CFAP299: variants seen among roughly 807,000 people sequenced by gnomAD.
CFAP299 encodes the protein cilia and flagella associated protein 299, also known as cilia- and flagella-associated protein 299.
A neutral mutation model predicts 27.0 loss-of-function variants in CFAP299; 21 were observed. The observed-to-expected ratio is 0.78, with a 90% confidence interval of 0.55 to 1.12. The LOEUF is 1.12. Among genes scored for constraint, CFAP299 ranks in the 50% most tolerant of loss-of-function variants. The probability of loss-of-function intolerance (pLI) is 0.00; values close to 1 mark genes in which losing one functional copy is unlikely to be tolerated. For missense variants in CFAP299, 310 were observed against 276.6 expected, an observed-to-expected ratio of 1.12 and a Z score of -0.86; for synonymous variants, 104 against 98.1, an observed-to-expected ratio of 1.06 and a Z score of -0.36.
chr4:80,488,365 C>T (rs572487036), intron 2 of CFAP299, among the ~76,000 whole-genome samples: 1 of 152,226 alleles, frequency 6.6e-6, no homozygotes, highest in African/African-American at 2.4e-5. Flanking sequence ...AAATTTTAGG[C>T]ATCATCAACT....
Position 80,617,853 on chromosome 4 carries a change from C to T in CFAP299, c.333+34670C>T, listed in dbSNP as rs565396257. 2.6e-5 allele frequency among the ~76,000 whole-genome samples: 4 copies of T among 152,012 alleles called. No individual in the cohort carries two copies. In the South Asian group the frequency reaches 8.3e-4, roughly 32 times the overall value. On this transcript the variant is annotated intron_variant, in intron 3 of 5. Transcript: ENST00000358105. ...GTCAAAACATTAACAGAGGAAGGAG[C>T]CATTTGAAATTGTCTCACTGCATTT...
chr4:80,918,458 C>T (rs1237405490), intron 4 of CFAP299, among the ~76,000 whole-genome samples: 1 of 151,868 alleles, frequency 6.6e-6, no homozygotes, highest in Non-Finnish European at 1.5e-5. Context: ...GCTACAGAAA[C>T]GTTTATTGTG....
intron 3 of CFAP299, among the ~76,000 whole-genome samples, chr4:80,857,749 A>T (rs1040740444): frequency 1.3e-5 from 2 of 152,224 alleles, no homozygotes; most frequent in Non-Finnish European, 2.9e-5. Flanking sequence ...CACCCCAGGG[A>T]TGAAGCCCAC....
rs1560642976 is a variant in CFAP299, at chr4:80,591,116, T to TTA, written c.333+7934_333+7935insAT. Among the ~76,000 whole-genome samples, 5 of 143,020 alleles carry TTA rather than the reference T, an allele frequency of 3.5e-5. No homozygotes were observed. The East Asian group carries it at 8.1e-4, about 23-fold the overall frequency. The allele number at this position is 143,020 out of a possible 152,430, so 93.8% of individuals were successfully genotyped here. A position where few individuals can be genotyped will look rare whatever the true frequency, so the allele number is the denominator to read the frequency against. On this transcript the variant is annotated intron_variant, in intron 3 of 5. Transcript: ENST00000358105. Reference sequence around the variant, plus strand: ...TAATACTTTAGGAAATTTTTTTTTTTTTTTTTTTTTTTTTTATTTTTTTTT... The same window carrying TTA: ...TAATACTTTAGGAAATTTTTTTTTTTTATTTTTTTTTTTTTTTATTTTTTTTT...
At chr4:80,906,420 G>A (rs1735189931) in intron 4 of CFAP299, among the ~76,000 whole-genome samples, 1 of 152,190 alleles carries the variant, frequency 6.6e-6, no homozygotes, top group Admixed American at 6.5e-5. Flanking sequence ...CTACGATTCT[G>A]GGGCCTGGAG....
chr4:80,688,674 C>CT (rs1720414306), intron 3 of CFAP299, among the ~76,000 whole-genome samples: 1 of 152,148 alleles, frequency 6.6e-6, no homozygotes, highest in Admixed American at 6.5e-5. Flanking sequence ...TCACCAGCAA[C>CT]GGAACAAAGC....
At chr4:80,369,007 C>T (rs994110694) in intron 2 of CFAP299, among the ~76,000 whole-genome samples, 1 of 152,116 alleles carries the variant, frequency 6.6e-6, no homozygotes, top group African/African-American at 2.4e-5. Context: ...GGGTCAGAGC[C>T]CTAACCTCAA....
At chr4:80,701,290 G>C (rs962158156) in intron 3 of CFAP299, among the ~76,000 whole-genome samples, 26 of 152,068 alleles carry the variant, frequency 1.7e-4, no homozygotes, top group Non-Finnish European at 3.1e-4. Context: ...ATTTCTCATA[G>C]CTCTTCCCTT....
chr4:80,661,091 T>G (rs1190879235), intron 3 of CFAP299, among the ~76,000 whole-genome samples: 2 of 152,058 alleles, frequency 1.3e-5, no homozygotes, highest in African/African-American at 2.4e-5. Context: ...TTTGAGAGAC[T>G]GAGGCAGGTG....
intron 2 of CFAP299, among the ~76,000 whole-genome samples, chr4:80,405,643 A>G (rs1309429362): frequency 1.3e-5 from 2 of 151,986 alleles, no homozygotes; most frequent in East Asian, 3.9e-4. Context: ...TTATATTAGT[A>G]TATATACTAA....
In CFAP299 at chr4:80,908,904, G is replaced by GCA. The variant is rs150862436; in HGVS notation, c.477-35891_477-35890dup. Reference sequence around the variant, plus strand: ...GTTAAACACACACACATACACGCAAGCACACACACACACACATACACACAC... The same window carrying GCA: ...GTTAAACACACACACATACACGCAAGCACACACACACACACACATACACACAC... On this transcript the variant is annotated intron_variant, in intron 4 of 5. Coordinates refer to ENST00000358105, the MANE Select transcript of CFAP299 (RefSeq NM_152770.3). 6.4e-3 allele frequency among the ~76,000 whole-genome samples: 968 copies of GCA among 150,180 alleles called. 5 individuals carry two copies. The highest frequency in any genetic ancestry group is 0.014 in the Middle Eastern group (4 of 294).
chr4:80,782,720 G>T (rs185352757), intron 3 of CFAP299, among the ~76,000 whole-genome samples: 16 of 129,610 alleles, frequency 1.2e-4, no homozygotes, highest in Non-Finnish European at 8.2e-5. Context: ...ATACATATAT[G>T]AATATATAAT....
At chr4:80,507,836 T>G (rs1393838943) in intron 2 of CFAP299, among the ~76,000 whole-genome samples, 1 of 152,326 alleles carries the variant, frequency 6.6e-6, no homozygotes, top group African/African-American at 2.4e-5. Context: ...TGGGGATTTA[T>G]GTTGTTTCTT....
chr4:80,923,739 A>G (rs974832635), intron 4 of CFAP299, among the ~76,000 whole-genome samples: 1 of 152,034 alleles, frequency 6.6e-6, no homozygotes, highest in Non-Finnish European at 1.5e-5. Context: ...TGGTTGAAGT[A>G]TCAGGACTCC....
rs180810711 is a variant in CFAP299, at chr4:80,813,031, G to A, written c.334-56962G>A. Among the ~76,000 whole-genome samples, 389 of 152,068 alleles carry A rather than the reference G, an allele frequency of 2.6e-3. 1 individual carries two copies. The highest frequency in any genetic ancestry group is 8.8e-3 in the African/African-American group (366 of 41,532). ...AATGTTAAGTCAGAAGAGAAAAAGC[G>A]CATTGCTTTAAAACTTGAAAATATT... On this transcript the variant is annotated intron_variant, in intron 3 of 5. Coordinates refer to ENST00000358105, the MANE Select transcript of CFAP299 (RefSeq NM_152770.3).
chr4:80,800,892 C>T (rs1728550748), intron 3 of CFAP299, among the ~76,000 whole-genome samples: 1 of 149,476 alleles, frequency 6.7e-6, no homozygotes, highest in South Asian at 2.1e-4. Flanking sequence ...CAGTCTGAGT[C>T]CCAAAACTGA....
At chr4:80,391,827 C>A (rs1196179019) in intron 2 of CFAP299, among the ~76,000 whole-genome samples, 1 of 152,110 alleles carries the variant, frequency 6.6e-6, no homozygotes, top group Non-Finnish European at 1.5e-5. Context: ...ATTAGCCAGG[C>A]ATGGTGGGAC....
intron 3 of CFAP299, among the ~76,000 whole-genome samples, chr4:80,627,216 C>T (rs890545069): frequency 7.2e-5 from 11 of 151,806 alleles, no homozygotes; most frequent in Non-Finnish European, 1.5e-4. Context: ...AAATGTAATA[C>T]ATTACATGAA....
intron 3 of CFAP299, among the ~76,000 whole-genome samples, chr4:80,860,435 G>C (rs1435918178): frequency 2.0e-5 from 3 of 152,148 alleles, no homozygotes; most frequent in Non-Finnish European, 2.9e-5. Flanking sequence ...GTCCAGCTTT[G>C]TTCCATTGCT....
Sources: gnomAD v4.1 joint callset for allele counts (sites outside exome capture counted in the v4.1 genomes callset) on GRCh38, gnomAD v4.1.1 for gene constraint, MANE v1.5 for transcripts, NCBI Gene and HGNC (gene_info 2026-07-23, HGNC 2026-07-21) for gene names.